Variants in ADAP2 observed in about 807,000 individuals in gnomAD.
The protein encoded by ADAP2 is ArfGAP with dual PH domains 2, also known as arf-GAP with dual PH domain-containing protein 2.
Under a neutral mutation model 54.9 loss-of-function variants are expected in ADAP2, and 42 were observed. The ratio of observed to expected loss-of-function variants is 0.77; its 90% CI spans 0.60 to 0.99. ADAP2 has a LOEUF of 0.99. Among genes scored for constraint, ADAP2 ranks in the 50% least tolerant of loss-of-function variants. ADAP2 has a pLI of 0.00. For missense variants in ADAP2, 429 were observed against 480.4 expected, an observed-to-expected ratio of 0.89 and a Z score of 1.00; for synonymous variants, 177 against 180.1, an observed-to-expected ratio of 0.98 and a Z score of 0.14.
At chr17:30,929,586 C>T (rs1911325030) in intron 3 of ADAP2, among the ~76,000 whole-genome samples, 2 of 152,218 alleles carry the variant, frequency 1.3e-5, no homozygotes, top group Admixed American at 6.5e-5. Flanking sequence ...ATTCCTTCTC[C>T]CTGCTCTGAT....
intron 9 of ADAP2, 54 bp from the exon 10 acceptor site, chr17:30,956,187 G>T (rs1029889410): frequency 3.2e-6 from 5 of 1,550,666 alleles, no homozygotes; most frequent in Non-Finnish European, 4.4e-6. Flanking sequence ...CAGGGCTGCA[G>T]GGCCCCTCTG....
intron 5 of ADAP2, among the ~76,000 whole-genome samples, chr17:30,942,984 G>A (rs1283076233): frequency 1.3e-5 from 2 of 152,250 alleles, no homozygotes; most frequent in African/African-American, 2.4e-5. Context: ...GTAGAAAGCA[G>A]TTTGGAGATT....
chr17:30,934,195 A>C lies in ADAP2; in HGVS notation c.408A>C (p.Glu136Asp), dbSNP rs1911702065. ...TCCTTGCTGCTTAAGGTAACCGAGA[A>C]GGATTCCTGTGGAAGCGAGGAAGGG... ...GETISLPGNR[E>D]GFLWKRGRDN... Residue 136 changes from glutamate (E) to aspartate (D), a missense_variant, in exon 5 of 11, where the codon GAA becomes GAC. Glu to Asp is a conservative substitution (Grantham distance 45). Coordinates refer to ENST00000330889, the MANE Select transcript of ADAP2 (RefSeq NM_018404.3). 1 of 1,614,040 alleles carries C rather than the reference A, an allele frequency of 6.2e-7. No homozygotes were observed. Among genetic ancestry groups the C allele is most frequent in the African/African-American group, 1.3e-5 (1 of 75,064 alleles).
At chr17:30,957,188 C>G (rs1013292831) in intron 10 of ADAP2, among the ~76,000 whole-genome samples, 2 of 152,196 alleles carry the variant, frequency 1.3e-5, no homozygotes, top group African/African-American at 2.4e-5. Context: ...ACTCTCTTGA[C>G]TGTCCCATAA....
At chr17:30,927,996 A>T (rs990494662) in intron 3 of ADAP2, among the ~76,000 whole-genome samples, 3 of 151,544 alleles carry the variant, frequency 2.0e-5, no homozygotes, top group Non-Finnish European at 2.9e-5. Flanking sequence ...GCACTCTAGT[A>T]TGAGTGACAG....
chr17:30,930,018 G>A (rs936619189), intron 3 of ADAP2, among the ~76,000 whole-genome samples: 1 of 151,180 alleles, frequency 6.6e-6, no homozygotes, highest in Non-Finnish European at 1.5e-5. Flanking sequence ...TGCCCAGCCT[G>A]GACTCTTGAT....
At chr17:30,925,565 TTC>T (rs1313924427) in intron 2 of ADAP2, among the ~76,000 whole-genome samples, 5 of 151,258 alleles carry the variant, frequency 3.3e-5, no homozygotes, top group Admixed American at 6.6e-5. Context: ...CTTCTTCTTC[TTC>T]TCTTTTCTTT....
Position 30,956,459 on chromosome 17 carries a change from C to T in ADAP2, c.1101C>T (p.Leu367=), listed in dbSNP as rs1905081630. ...RGVLSSPLTP[L]NRLTASTESG... ...TCCTGTCCAGCCCCTTGACGCCCCT[C>T]AACCGGCTTAGTAAGAAGCAGGAAC... Residue 367 remains leucine, a synonymous_variant, in exon 10 of 11, where the codon CTC becomes CTT. Coordinates refer to ENST00000330889, the MANE Select transcript of ADAP2 (RefSeq NM_018404.3). The T allele has an allele frequency of 1.9e-6, 3 of 1,614,114 alleles. No homozygotes were observed. Among genetic ancestry groups the T allele is most frequent in the Non-Finnish European group, 2.5e-6 (3 of 1,179,992 alleles).
At chr17:30,950,525 G>C (rs892275563) in intron 7 of ADAP2, among the ~76,000 whole-genome samples, 2 of 152,130 alleles carry the variant, frequency 1.3e-5, no homozygotes, top group African/African-American at 4.8e-5. Context: ...TCTATGCTCT[G>C]GTCCTCTTCA....
At chr17:30,939,410 T>A (rs1912098133) in intron 5 of ADAP2, among the ~76,000 whole-genome samples, 4 of 132,708 alleles carry the variant, frequency 3.0e-5, no homozygotes, top group Admixed American at 7.8e-5. Flanking sequence ...AAAAAGGAAA[T>A]GAAGTATAAA....
intron 10 of ADAP2, chr17:30,956,683 T>G: frequency 1.4e-5 from 8 of 572,136 alleles, no homozygotes; most frequent in Admixed American, 3.1e-5. Flanking sequence ...AACCGAGCCC[T>G]TCCCCAGGAG....
At chr17:30,929,203 T>G (rs1911301024) in intron 3 of ADAP2, among the ~76,000 whole-genome samples, 1 of 152,244 alleles carries the variant, frequency 6.6e-6, no homozygotes, top group Admixed American at 6.5e-5. Context: ...TCCTCATCTC[T>G]GAAATGTAGG....
intron 6 of ADAP2, among the ~76,000 whole-genome samples, chr17:30,945,675 G>A (rs1325792446): frequency 6.6e-6 from 1 of 151,936 alleles, no homozygotes; most frequent in Non-Finnish European, 1.5e-5. Context: ...AGGATCGCTT[G>A]AGCCTGGGAG....
rs1331060123 is a variant in ADAP2, at chr17:30,949,336, T to G, written c.707T>G (p.Leu236Arg). 1 of 1,614,088 alleles carries G rather than the reference T, an allele frequency of 6.2e-7. No homozygotes were observed. The highest frequency in any genetic ancestry group is 2.2e-5 in the East Asian group (1 of 44,870). The change falls in exon 7 of 11, where the codon CTA (leucine) becomes CGA (arginine). Residue 236 changes from leucine to arginine, a missense_variant. Physicochemically the swap from Leu to Arg is moderately radical, Grantham distance 102 (BLOSUM62 -2). Coordinates refer to ENST00000330889, the MANE Select transcript of ADAP2 (RefSeq NM_018404.3). ...NALRAARLQY[L>R]KMAFPELPES... is the part of the protein sequence containing the mutation. ...CTCCGTGCAGCCCGTCTGCAGTACCTAAAAATGGCCTTTCCTGAACTCCCA... is the reference window on the plus strand; with the variant it reads ...CTCCGTGCAGCCCGTCTGCAGTACCGAAAAATGGCCTTTCCTGAACTCCCA...
chr17:30,933,899 C>A (rs1911679913), intron 4 of ADAP2, among the ~76,000 whole-genome samples: 1 of 152,218 alleles, frequency 6.6e-6, no homozygotes, highest in Admixed American at 6.5e-5. Flanking sequence ...TCCAGTTTCT[C>A]AGGACTTTGC....
At chr17:30,923,838 T>C (rs1567712621) in intron 2 of ADAP2, among the ~76,000 whole-genome samples, 1 of 151,716 alleles carries the variant, frequency 6.6e-6, no homozygotes, top group Non-Finnish European at 1.5e-5. Context: ...TAGCTGGGAT[T>C]ACAGGCACCC....
intron 10 of ADAP2, 133 bp downstream of exon 10, chr17:30,956,602 T>G: frequency 1.1e-6 from 1 of 878,162 alleles, no homozygotes; most frequent in Non-Finnish European, 1.8e-6. Flanking sequence ...TTGTCTTCTC[T>G]TCCTGCAAAA....
At chr17:30,923,612 A>C (rs1396546108) in intron 2 of ADAP2, among the ~76,000 whole-genome samples, 1 of 150,606 alleles carries the variant, frequency 6.6e-6, no homozygotes, top group Non-Finnish European at 1.5e-5. Flanking sequence ...TGAGCTAGGT[A>C]CTTTGACCTA....
chr17:30,943,365 GAA>G (rs985418929), intron 5 of ADAP2, among the ~76,000 whole-genome samples: 1 of 133,970 alleles, frequency 7.5e-6, no homozygotes. Context: ...AACTCAGTCT[GAA>G]AAAAAAAAAG....
Sources: allele counts gnomAD v4.1 joint callset (sites outside exome capture counted in the v4.1 genomes callset), GRCh38; gene constraint gnomAD v4.1.1; transcripts MANE v1.5; gene names NCBI Gene and HGNC (gene_info 2026-07-23, HGNC 2026-07-21).